KDM3A: variants seen among roughly 807,000 people sequenced by gnomAD.
The protein encoded by KDM3A is lysine demethylase 3A, also known as lysine-specific demethylase 3A.
KDM3A carries 60 observed loss-of-function variants against 158.0 expected under a neutral mutation model. The ratio of observed to expected loss-of-function variants is 0.38; its 90% CI spans 0.31 to 0.47. The LOEUF is 0.47. Ranked by LOEUF, KDM3A falls within the 20% of genes least tolerant of loss-of-function variation. The probability of loss-of-function intolerance (pLI) is 0.99; values close to 1 mark genes in which losing one functional copy is unlikely to be tolerated. For synonymous variants in KDM3A, 608 were observed against 549.3 expected (o/e 1.11, Z -1.49); for missense variants, 1,319 against 1,574.3 (o/e 0.84, Z 2.74).
Position 86,485,037 on chromosome 2 carries a change from T to G in KDM3A, c.3182+8T>G, listed in dbSNP as rs539435114. 1 of 1,486,372 alleles carries G rather than the reference T, an allele frequency of 6.7e-7. No homozygotes were observed. Among genetic ancestry groups the G allele is most frequent in the South Asian group, 1.1e-5 (1 of 88,432 alleles). The allele number at this position is 1,486,372 out of a possible 1,614,324, so 92.1% of individuals were successfully genotyped here. On this transcript the variant is annotated splice_region_variant and intron_variant, in intron 20 of 25. Transcript: ENST00000312912. ...AGATATGATGCCTTCCAGGTATGAT[T>G]ATGAAGGTGGGGAGAGATGATTCTG...
At chr2:86,478,996 A>G (rs555182524) in intron 15 of KDM3A, 38 of 289,500 alleles carry the variant, frequency 1.3e-4, no homozygotes, top group African/African-American at 8.1e-4. Context: ...ACAAAGTTCT[A>G]AAGTAGTCTA....
In KDM3A at chr2:86,489,525, C is replaced by T; in HGVS notation, c.3439C>T (p.Leu1147Phe). 3.1e-6 allele frequency: 5 copies of T among 1,613,234 alleles called. No homozygotes were observed. The highest frequency in any genetic ancestry group is 4.2e-6 in the Non-Finnish European group (5 of 1,179,668). ...KGQCEQEEEV[L>F]KTIQDGDSDE... is the part of the protein sequence containing the mutation. ...GCTTTCTCTTCTTGCTCTAGAAGTC[C>T]TTAAGACCATCCAAGATGGAGATTC... is the stretch of plus-strand genomic sequence containing the variant. Residue 1147 changes from leucine to phenylalanine, a missense_variant, in exon 23 of 26, where the codon CTT (leucine) becomes TTT (phenylalanine). This residue lies in a region of KDM3A where 186 missense variants were observed against 340.9 expected (regional missense o/e 0.55). Transcript: ENST00000312912.
At chr2:86,456,935 A>T in intron 7 of KDM3A, 48 bp from the exon 8 acceptor site, 1 of 1,570,382 alleles carries the variant, frequency 6.4e-7, no homozygotes. Context: ...TTCTTCTCAC[A>T]TTAAGAGAAA....
chr2:86,484,833 CAG>C lies in KDM3A; in HGVS notation c.3095-105_3095-104del, dbSNP rs1180967156. ...AATTTATCAGGTTATGAAAATTTTG[CAG>C]AGACATATTTTATTTGTATTGTTGA... is the stretch of plus-strand genomic sequence containing the variant. On this transcript the variant is annotated intron_variant, in intron 19 of 25. Transcript: ENST00000312912. The C allele has an allele frequency of 1.0e-4, 60 of 588,744 alleles. 1 individual carries two copies. Among genetic ancestry groups the C allele is most frequent in the Admixed American group, 3.6e-4 (12 of 33,160 alleles). The allele number at this position is 588,744 out of a possible 1,614,324, so 36.5% of individuals were successfully genotyped here.
intron 11 of KDM3A, among the ~76,000 whole-genome samples, chr2:86,470,724 A>G (rs1424498480): frequency 6.6e-6 from 1 of 152,206 alleles, no homozygotes; most frequent in Non-Finnish European, 1.5e-5. Context: ...AGTGCACTGT[A>G]TGATCATAAA....
intron 8 of KDM3A, among the ~76,000 whole-genome samples, chr2:86,457,510 T>C (rs963106751): frequency 1.8e-4 from 27 of 152,216 alleles, no homozygotes; most frequent in African/African-American, 6.5e-4. Context: ...GGCCATAATT[T>C]CTACACTGAA....
At chr2:86,445,481 T>C (rs1682917546) in intron 2 of KDM3A, among the ~76,000 whole-genome samples, 1 of 152,350 alleles carries the variant, frequency 6.6e-6, no homozygotes, top group African/African-American at 2.4e-5. Context: ...CTTTTTTCTT[T>C]GAAGCCTACC....
intron 4 of KDM3A, among the ~76,000 whole-genome samples, chr2:86,453,392 A>G (rs552589738): frequency 2.0e-5 from 3 of 152,290 alleles, no homozygotes; most frequent in African/African-American, 4.8e-5. Flanking sequence ...CTTGCTCTAG[A>G]TAATGCACAG....
Position 86,484,077 on chromosome 2 carries a change from G to C in KDM3A, c.3013G>C (p.Asp1005His). The change falls in exon 19 of 26, where the codon GAC becomes CAC. Residue 1005 changes from aspartate to histidine, a missense_variant. This residue lies in a region of KDM3A where 368 missense variants were observed against 415.8 expected (regional missense o/e 0.89). Coordinates refer to ENST00000312912, the MANE Select transcript of KDM3A (RefSeq NM_018433.6). The stretch of plus-strand genomic sequence containing the variant: ...GAAAGAGTTTGGTGAGCAGGAAGTA[G>C]ACCTAGTTAATTGTAGGACCAATGA... ...FRKEFGEQEV[D>H]LVNCRTNEII... 6.2e-6 allele frequency: 10 copies of C among 1,613,958 alleles called. No individual in the cohort carries two copies. The highest frequency in any genetic ancestry group is 8.5e-6 in the Non-Finnish European group (10 of 1,179,884).
At chr2:86,491,799 CT>C in intron 25 of KDM3A, 1 of 526,594 alleles carries the variant, frequency 1.9e-6, no homozygotes, top group Non-Finnish European at 3.4e-6. Flanking sequence ...GTGAGTAGGT[CT>C]ACGTGGTATC....
At chr2:86,478,104 G>A (rs765521505) in intron 13 of KDM3A, 66 bp from the exon 14 acceptor site, 203 of 1,609,380 alleles carry the variant, frequency 1.3e-4, no homozygotes, top group Non-Finnish European at 1.6e-4. Flanking sequence ...TGTGTTTGGC[G>A]GGTTTCTTGA....
At chr2:86,482,161 G>A in intron 17 of KDM3A, 59 bp downstream of exon 17, 1 of 1,551,930 alleles carries the variant, frequency 6.4e-7, no homozygotes, top group Non-Finnish European at 8.9e-7. Context: ...CAGGAAGAGA[G>A]TAGAGAAGTT....
rs531341341 is a variant in KDM3A, at chr2:86,469,257, A to G, written c.1520-947A>G. Among the ~76,000 whole-genome samples, 15 of 152,280 alleles carry G rather than the reference A, an allele frequency of 9.9e-5. No homozygotes were observed. In the East Asian group the frequency reaches 2.9e-3, roughly 29 times the overall value. On this transcript the variant is annotated intron_variant, in intron 10 of 25. Transcript: ENST00000312912. The stretch of plus-strand genomic sequence containing the variant: ...AACCTTCTTTGGTTTGGGATCTTCC[A>G]ATTTTCTCCAAGACTCACCTCTCCC...
intron 21 of KDM3A, chr2:86,486,949 T>A (rs1674206844): frequency 6.6e-6 from 1 of 152,294 alleles, no homozygotes; most frequent in Non-Finnish European, 1.5e-5. Flanking sequence ...GCACAAGGCC[T>A]CTTGCCTGTT....
At chr2:86,476,984 T>C (rs952543617) in intron 12 of KDM3A, among the ~76,000 whole-genome samples, 57 of 152,318 alleles carry the variant, frequency 3.7e-4, no homozygotes, top group African/African-American at 1.2e-3. Context: ...CAGGAGACCT[T>C]GGGCTTTTCT....
intron 6 of KDM3A, 106 bp from the exon 7 acceptor site, chr2:86,456,697 AAG>A: frequency 3.1e-6 from 4 of 1,286,032 alleles, no homozygotes; most frequent in Non-Finnish European, 4.4e-6. Flanking sequence ...TTGTTTTAAA[AAG>A]AAATTATTCA....
chr2:86,483,910 T>C (rs1188045613), intron 18 of KDM3A, 77 bp from the exon 19 acceptor site: 11 of 1,139,736 alleles, frequency 9.7e-6, no homozygotes, highest in Non-Finnish European at 1.3e-6. Context: ...CCAATAGCAG[T>C]GTGAAGAGGG....
At chr2:86,455,746 T>A (rs1672662074) in intron 5 of KDM3A, among the ~76,000 whole-genome samples, 1 of 150,450 alleles carries the variant, frequency 6.6e-6, no homozygotes, top group Non-Finnish European at 1.5e-5. Flanking sequence ...AGGATAGGAG[T>A]TCAAGACCAG....
chr2:86,491,440 G>C (rs1674451766), intron 25 of KDM3A, 165 bp downstream of exon 25: 1 of 631,350 alleles, frequency 1.6e-6, no homozygotes, highest in Admixed American at 2.8e-5. Flanking sequence ...TTAAGTGAGG[G>C]AGGAACAAGA....
Sources: gnomAD v4.1 joint callset for allele counts (sites outside exome capture counted in the v4.1 genomes callset) on GRCh38, gnomAD v4.1.1 for gene constraint, gnomAD v4.1.1 regional missense constraint, MANE v1.5 for transcripts, NCBI Gene and HGNC (gene_info 2026-07-23, HGNC 2026-07-21) for gene names.